Variants in DSCAML1 observed in about 807,000 individuals in gnomAD.
The protein encoded by DSCAML1 is DS cell adhesion molecule like 1.
Under a neutral mutation model 200.5 loss-of-function variants are expected in DSCAML1, and 38 were observed. The observed-to-expected ratio is 0.19, with a 90% CI of 0.15 to 0.25. The LOEUF (loss-of-function observed/expected upper bound fraction) is 0.25. Among genes scored for constraint, DSCAML1 ranks in the 10% least tolerant of loss-of-function variants. The pLI, the probability that DSCAML1 is intolerant of heterozygous loss-of-function variation, is 1.00. For missense variants in DSCAML1, 2,223 were observed against 2,858.8 expected, an observed-to-expected ratio of 0.78 and a Z score of 5.07; for synonymous variants, 1,215 against 1,165.0, an observed-to-expected ratio of 1.04 and a Z score of -0.87.
chr11:117,684,457 A>AC (rs2053369555), intron 3 of DSCAML1, among the ~76,000 whole-genome samples: 1 of 148,520 alleles, frequency 6.7e-6, no homozygotes, highest in Non-Finnish European at 1.5e-5. Context: ...AAAAAAAAAA[A>AC]AAAGAAAAAA....
At chr11:117,588,333 G>A (rs896208090) in intron 3 of DSCAML1, among the ~76,000 whole-genome samples, 1 of 152,130 alleles carries the variant, frequency 6.6e-6, no homozygotes, top group Non-Finnish European at 1.5e-5. Flanking sequence ...TGGGACAGAG[G>A]AGTCCCCCTG....
intron 3 of DSCAML1, among the ~76,000 whole-genome samples, chr11:117,598,087 G>A (rs1282256227): frequency 1.3e-5 from 2 of 152,030 alleles, no homozygotes; most frequent in East Asian, 1.9e-4. Flanking sequence ...ACATGTGGGT[G>A]GTCACAGCTT....
At chr11:117,651,522 G>A (rs1893517) in intron 3 of DSCAML1, among the ~76,000 whole-genome samples, 37,756 of 151,278 alleles carry the variant, frequency 0.25, 5,558 homozygotes, top group South Asian at 0.31. Context: ...TGGCTAACAC[G>A]GTGAAATCCT....
At chr11:117,523,280 A>G (rs1565763613) in intron 5 of DSCAML1, among the ~76,000 whole-genome samples, 1 of 150,206 alleles carries the variant, frequency 6.7e-6, no homozygotes, top group East Asian at 1.9e-4. Context: ...TTTGGAGAGA[A>G]AGAGAGAGAA....
chr11:117,800,528 A>G (rs758409563), upstream of DSCAML1, among the ~76,000 whole-genome samples: 11 of 152,260 alleles, frequency 7.2e-5, no homozygotes, highest in Non-Finnish European at 1.6e-4. Context: ...TTTGAACCCA[A>G]TCCAGAAATT....
intron 11 of DSCAML1, among the ~76,000 whole-genome samples, chr11:117,488,192 C>T (rs78112759): frequency 0.024 from 3,650 of 152,320 alleles, 133 homozygotes; most frequent in African/African-American, 0.083. Flanking sequence ...TGCACCCAGC[C>T]TCCAAGGACC....
rs542164005 is a variant in DSCAML1, at chr11:117,598,863, A to T, written c.512-66341T>A. ...TCTGGGAGTTTTGAGAAGCATTCTGACTATCCCATTCTGGAGCAGGATTTT... is the reference window on the plus strand; with the variant it reads ...TCTGGGAGTTTTGAGAAGCATTCTGTCTATCCCATTCTGGAGCAGGATTTT... On this transcript the variant is annotated intron_variant, in intron 3 of 32. Transcript: ENST00000651296. Among the ~76,000 whole-genome samples the T allele has an allele frequency of 3.3e-5, 5 of 152,280 alleles. No homozygotes were observed. The South Asian group carries it at 6.2e-4, about 19-fold the overall frequency.
chr11:117,601,761 C>G (rs2049181283), intron 3 of DSCAML1, among the ~76,000 whole-genome samples: 1 of 152,218 alleles, frequency 6.6e-6, no homozygotes, highest in Non-Finnish European at 1.5e-5. Flanking sequence ...CCTGGCTTCT[C>G]CAGCAGGAGG....
In DSCAML1 at chr11:117,747,602, G is replaced by A. The variant is rs577352625; in HGVS notation, c.511+29189C>T. On this transcript the variant is annotated intron_variant, in intron 3 of 32. Transcript: ENST00000651296. ...GTCCTCCTGAGTGACACAAAGGAGA[G>A]AGGGTCTGGCACACCATGGCAGCCA... is the stretch of plus-strand genomic sequence containing the variant. Among the ~76,000 whole-genome samples, 5 of 152,344 alleles carry A rather than the reference G, an allele frequency of 3.3e-5. No homozygotes were observed. The East Asian group carries it at 9.6e-4, about 29-fold the overall frequency.
chr11:117,462,702 G>C (rs1006154714), intron 17 of DSCAML1, among the ~76,000 whole-genome samples: 1 of 152,098 alleles, frequency 6.6e-6, no homozygotes, highest in African/African-American at 2.4e-5. Context: ...AATACAGATC[G>C]CCCATTCGAA....
intron 14 of DSCAML1, among the ~76,000 whole-genome samples, chr11:117,474,667 G>A (rs1378274708): frequency 6.6e-6 from 1 of 151,750 alleles, no homozygotes; most frequent in East Asian, 1.9e-4. Context: ...ATCTTGAATG[G>A]CACCACCATT....
At chr11:117,466,257 T>C (rs1366700167) in intron 16 of DSCAML1, among the ~76,000 whole-genome samples, 2 of 152,198 alleles carry the variant, frequency 1.3e-5, no homozygotes, top group African/African-American at 4.8e-5. Flanking sequence ...TGGGATAGTA[T>C]GCAGCCATGA....
At chr11:117,636,681 A>C (rs2052292644) in intron 3 of DSCAML1, among the ~76,000 whole-genome samples, 2 of 152,186 alleles carry the variant, frequency 1.3e-5, no homozygotes, top group Non-Finnish European at 2.9e-5. Flanking sequence ...CTTTAGAATC[A>C]GGTCCTGGGC....
chr11:117,810,000 C>T (rs962636366), intron 1 of DSCAML1, among the ~76,000 whole-genome samples: 20 of 151,816 alleles, frequency 1.3e-4, no homozygotes, highest in Non-Finnish European at 2.7e-4. Context: ...TTCACATACA[C>T]ACATTCCCAC....
intron 3 of DSCAML1, among the ~76,000 whole-genome samples, chr11:117,676,561 G>A (rs144864588): frequency 2.1e-3 from 315 of 152,284 alleles, no homozygotes; most frequent in African/African-American, 7.4e-3. Flanking sequence ...CTGCACAGAC[G>A]GGGTGCTCCT....
chr11:117,528,296 G>C (rs1455719198), intron 4 of DSCAML1, among the ~76,000 whole-genome samples: 2 of 151,960 alleles, frequency 1.3e-5, no homozygotes, highest in Non-Finnish European at 2.9e-5. Context: ...AAGCGGAGGG[G>C]CCATCAGGGT....
intron 24 of DSCAML1, 98 bp downstream of exon 24, chr11:117,438,787 C>T: frequency 8.8e-7 from 1 of 1,140,474 alleles, no homozygotes; most frequent in Non-Finnish European, 1.2e-6. Context: ...TCGTTTCTGT[C>T]ATTTGGAGAC....
At chr11:117,564,918 A>C (rs2137423619) in intron 3 of DSCAML1, among the ~76,000 whole-genome samples, 1 of 152,178 alleles carries the variant, frequency 6.6e-6, no homozygotes, top group South Asian at 2.1e-4. Flanking sequence ...GGTGTCTGCC[A>C]CCATACCCAG....
At chr11:117,456,428 CG>C (rs1359150860) in intron 19 of DSCAML1, among the ~76,000 whole-genome samples, 1 of 152,112 alleles carries the variant, frequency 6.6e-6, no homozygotes, top group Non-Finnish European at 1.5e-5. Flanking sequence ...ATAAAGTATA[CG>C]GAGACAAGAA....
Sources: allele counts gnomAD v4.1 joint callset (sites outside exome capture counted in the v4.1 genomes callset), GRCh38; gene constraint gnomAD v4.1.1; transcripts MANE v1.5; gene names NCBI Gene and HGNC (gene_info 2026-07-23, HGNC 2026-07-21).